Variants in MTHFD2L observed in about 807,000 individuals in gnomAD.
MTHFD2L encodes the protein methylenetetrahydrofolate dehydrogenase (NADP+ dependent) 2 like, also known as bifunctional methylenetetrahydrofolate dehydrogenase/cyclohydrolase 2, mitochondrial.
A neutral mutation model predicts 34.9 loss-of-function variants in MTHFD2L; 29 were observed. The ratio of observed to expected loss-of-function variants is 0.83; its 90% CI spans 0.62 to 1.13. The LOEUF (loss-of-function observed/expected upper bound fraction) is 1.13, where lower values mean the gene tolerates loss of function less well. MTHFD2L is among the 50% of genes most tolerant of loss of function. The probability of loss-of-function intolerance (pLI) is 0.00; values close to 1 mark genes in which losing one functional copy is unlikely to be tolerated. For missense variants in MTHFD2L, 481 were observed against 446.5 expected (o/e 1.08, Z -0.70); for synonymous variants, 167 against 155.7 (o/e 1.07, Z -0.54).
chr4:74,230,662 C>T (rs1739903348), intron 6 of MTHFD2L, among the ~76,000 whole-genome samples: 1 of 151,184 alleles, frequency 6.6e-6, no homozygotes, highest in Non-Finnish European at 1.5e-5. Flanking sequence ...GAGACTATTA[C>T]ATCTAAAGAA....
intron 6 of MTHFD2L, among the ~76,000 whole-genome samples, chr4:74,234,549 A>G (rs191042544): frequency 9.5e-4 from 145 of 152,168 alleles, no homozygotes; most frequent in Middle Eastern, 3.4e-3. Flanking sequence ...AAGTTTATAC[A>G]TATTTTCTTG....
intron 5 of MTHFD2L, among the ~76,000 whole-genome samples, chr4:74,219,650 T>C (rs1453043003): frequency 6.6e-6 from 1 of 152,138 alleles, no homozygotes; most frequent in Non-Finnish European, 1.5e-5. Flanking sequence ...GGAACAGGCA[T>C]CCAGGTGCTC....
Position 74,302,246 on chromosome 4 carries a change from A to G in MTHFD2L, c.*437A>G, listed in dbSNP as rs948080360. The G allele has an allele frequency of 6.6e-6, 1 of 152,346 alleles. No individual in the cohort carries two copies. Among genetic ancestry groups the G allele is most frequent in the Admixed American group, 6.6e-5 (1 of 15,256 alleles). 9.4% of individuals were successfully genotyped at this position (152,346 alleles called of 1,614,324 possible). A position where few individuals can be genotyped will look rare whatever the true frequency, so the allele number is the denominator to read the frequency against. On this transcript the variant is annotated 3_prime_UTR_variant, in exon 8 of 8. Transcript: ENST00000325278. Reference sequence around the variant, plus strand: ...ATGTATTTTATGATCTATGTCATATATTAAAAAAGAGCTTGCTTACTACAA... The same window carrying G: ...ATGTATTTTATGATCTATGTCATATGTTAAAAAAGAGCTTGCTTACTACAA...
intron 1 of MTHFD2L, among the ~76,000 whole-genome samples, chr4:74,150,929 T>C (rs1385525954): frequency 6.6e-6 from 1 of 152,100 alleles, no homozygotes; most frequent in East Asian, 1.9e-4. Context: ...ATAAACTATA[T>C]GGAATCTGTA....
chr4:74,291,764 AC>A (rs1034377290), intron 7 of MTHFD2L, among the ~76,000 whole-genome samples: 2 of 152,186 alleles, frequency 1.3e-5, no homozygotes, highest in Non-Finnish European at 2.9e-5. Context: ...TTCTAAGTAA[AC>A]AGGGATGGTT....
intron 6 of MTHFD2L, among the ~76,000 whole-genome samples, chr4:74,278,541 A>T (rs1746988727): frequency 6.6e-6 from 1 of 152,070 alleles, no homozygotes; most frequent in African/African-American, 2.4e-5. Flanking sequence ...AGTTATTGTG[A>T]CCTTGACTCA....
intron 3 of MTHFD2L, chr4:74,190,383 C>A: frequency 1.4e-6 from 1 of 740,042 alleles, no homozygotes; most frequent in Non-Finnish European, 1.7e-6. Context: ...GTTCCAACTT[C>A]ATTAATTTTT....
intron 5 of MTHFD2L, among the ~76,000 whole-genome samples, chr4:74,208,076 G>A (rs1396113660): frequency 2.6e-5 from 4 of 152,126 alleles, no homozygotes; most frequent in Non-Finnish European, 5.9e-5. Context: ...TGGGACAGGG[G>A]ATGGCAGGTA....
chr4:74,247,162 T>C (rs1263307264), intron 6 of MTHFD2L, among the ~76,000 whole-genome samples: 1 of 151,388 alleles, frequency 6.6e-6, no homozygotes, highest in African/African-American at 2.4e-5. Context: ...CATTGAGCAG[T>C]GGTTTGTAGT....
chr4:74,265,437 A>G (rs1260585629), intron 6 of MTHFD2L, among the ~76,000 whole-genome samples: 1 of 152,200 alleles, frequency 6.6e-6, no homozygotes, highest in Non-Finnish European at 1.5e-5. Context: ...TGTGTGAATA[A>G]CTGTGGCATA....
chr4:74,262,820 A>T (rs1226824359), intron 6 of MTHFD2L, among the ~76,000 whole-genome samples: 2 of 152,002 alleles, frequency 1.3e-5, no homozygotes, highest in African/African-American at 2.4e-5. Context: ...TGACAATGTT[A>T]TGAAATCTGA....
At chr4:74,266,787 C>G in intron 6 of MTHFD2L, 1 of 916,178 alleles carries the variant, frequency 1.1e-6, no homozygotes, top group African/African-American at 1.8e-5. Flanking sequence ...CACTGAATGC[C>G]TTAGCTGCTG....
intron 7 of MTHFD2L, among the ~76,000 whole-genome samples, chr4:74,299,832 G>T (rs1397233042): frequency 6.6e-6 from 1 of 151,988 alleles, no homozygotes; most frequent in Non-Finnish European, 1.5e-5. Flanking sequence ...AGTGCACAGT[G>T]TCTTAAGTTC....
intron 1 of MTHFD2L, among the ~76,000 whole-genome samples, chr4:74,171,244 A>T (rs1727915609): frequency 6.6e-6 from 1 of 152,176 alleles, no homozygotes; most frequent in South Asian, 2.1e-4. Context: ...ATATGAAAAG[A>T]TGTTCAACAT....
At chr4:74,167,920 T>C (rs566507037) in intron 1 of MTHFD2L, among the ~76,000 whole-genome samples, 1 of 152,194 alleles carries the variant, frequency 6.6e-6, no homozygotes, top group South Asian at 2.1e-4. Context: ...CTTTTTTTCA[T>C]ATCCTACACC....
chr4:74,294,078 C>T (rs188706564), intron 7 of MTHFD2L, among the ~76,000 whole-genome samples: 4 of 151,968 alleles, frequency 2.6e-5, no homozygotes, highest in African/African-American at 9.7e-5. Context: ...CCATAGAGTA[C>T]TTCTTTAAAA....
At chr4:74,220,699 A>G (rs1431429079) in intron 5 of MTHFD2L, among the ~76,000 whole-genome samples, 1 of 151,624 alleles carries the variant, frequency 6.6e-6, no homozygotes, top group Non-Finnish European at 1.5e-5. Flanking sequence ...TGCTATTATA[A>G]TGGGGCCTCT....
At chr4:74,189,030 C>T (rs538542) in intron 3 of MTHFD2L, among the ~76,000 whole-genome samples, 23,350 of 151,622 alleles carry the variant, frequency 0.15, 3,884 homozygotes, top group African/African-American at 0.41. Context: ...TGGAGCAGGA[C>T]GGAGAATGGA....
At chr4:74,170,777 A>G (rs1578330995) in intron 1 of MTHFD2L, among the ~76,000 whole-genome samples, 1 of 152,010 alleles carries the variant, frequency 6.6e-6, no homozygotes, top group South Asian at 2.1e-4. Flanking sequence ...GCACATATAC[A>G]CCATGGGCTA....
Sources: gnomAD v4.1 joint callset for allele counts (sites outside exome capture counted in the v4.1 genomes callset) on GRCh38, gnomAD v4.1.1 for gene constraint, MANE v1.5 for transcripts, NCBI Gene and HGNC (gene_info 2026-07-23, HGNC 2026-07-21) for gene names.